Variants in EIF4E1B observed in about 807,000 individuals in gnomAD.
The protein encoded by EIF4E1B is eukaryotic translation initiation factor 4E family member 1B, also known as eukaryotic translation initiation factor 4E type 1B.
In EIF4E1B, 22 loss-of-function variants were observed where a neutral mutation model predicts 31.3. That is an observed-to-expected ratio of 0.70 (90% confidence interval 0.50 to 1.00). EIF4E1B has a LOEUF of 1.00. Among genes scored for constraint, EIF4E1B ranks in the 50% least tolerant of loss-of-function variants. The probability of loss-of-function intolerance (pLI) is 0.00; values close to 1 mark genes in which losing one functional copy is unlikely to be tolerated. For missense variants in EIF4E1B, 290 were observed against 311.6 expected (o/e 0.93, Z 0.52); for synonymous variants, 126 against 120.2 (o/e 1.05, Z -0.31).
chr5:176,642,858 C>CAA (rs1055727224), intron 3 of EIF4E1B, 56 bp downstream of exon 3: 1 of 1,290,644 alleles, frequency 7.7e-7, no homozygotes, highest in African/African-American at 2.1e-5. Flanking sequence ...CTCTCCCCCC[C>CAA]CCCCCCCGCC....
At chr5:176,642,864 C>G (rs1243541954) in intron 3 of EIF4E1B, 62 bp downstream of exon 3, 1 of 1,362,956 alleles carries the variant, frequency 7.3e-7, no homozygotes. Flanking sequence ...CCCCCCCCCC[C>G]CGCCCCAGGT....
Position 176,645,722 on chromosome 5 carries a change from C to A in EIF4E1B, c.615-144C>A. 1 of 1,086,056 alleles carries A rather than the reference C, an allele frequency of 9.2e-7. No individual in the cohort carries two copies. Among genetic ancestry groups the A allele is most frequent in the Non-Finnish European group, 1.3e-6 (1 of 774,044 alleles). 67.3% of individuals were successfully genotyped at this position (1,086,056 alleles called of 1,614,324 possible). On this transcript the variant is annotated intron_variant, in intron 8 of 8. Transcript: ENST00000318682. This position sits in a 1 kb window ranked among gnomAD's most constrained non-coding sequence, Gnocchi z 5.4. Reference sequence around the variant, plus strand: ...AGCTCTCCTTTTGCATTAAGGGGGTCATATTTTGGGTTTCCACATGGGTAA... The same window carrying A: ...AGCTCTCCTTTTGCATTAAGGGGGTAATATTTTGGGTTTCCACATGGGTAA...
intron 5 of EIF4E1B, 147 bp downstream of exon 5, chr5:176,643,881 A>C: frequency 1.3e-6 from 1 of 756,762 alleles, no homozygotes; most frequent in East Asian, 2.7e-5. Context: ...TATAGGGCAC[A>C]ACCACCCCCC....
chr5:176,644,463 C>G, intron 6 of EIF4E1B, 24 bp downstream of exon 6: 1 of 1,584,572 alleles, frequency 6.3e-7, no homozygotes, highest in Middle Eastern at 1.7e-4. Context: ...TCCTCTTTCC[C>G]TCCCGCAAAG....
At chr5:176,643,801 T>C in intron 5 of EIF4E1B, 67 bp downstream of exon 5, 1 of 1,519,578 alleles carries the variant, frequency 6.6e-7, no homozygotes, top group Non-Finnish European at 9.0e-7. Flanking sequence ...TCTCTCCGGG[T>C]TGAGCCAGCC....
At position 176,645,178 on chromosome 5, in the gene EIF4E1B, C is replaced by CGCT; in HGVS notation, c.411_413dup (p.Arg137_Trp138insCys). 6.3e-7 allele frequency: 1 copy of CGCT among 1,579,754 alleles called. No individual in the cohort carries two copies. The highest frequency in any genetic ancestry group is 8.6e-7 in the Non-Finnish European group (1 of 1,163,108). Reference sequence around the variant, plus strand: ...GGACAGCAGGAATAAACGGGGTGGCCGCTGGCTGGTCAGCCTGGCCAAGCA... The same window carrying CGCT: ...GGACAGCAGGAATAAACGGGGTGGCCGCTGCTGGCTGGTCAGCCTGGCCAAGCA... On this transcript the variant is annotated inframe_insertion, in exon 7 of 9. Coordinates refer to ENST00000318682, the MANE Select transcript of EIF4E1B (RefSeq NM_001099408.2). The surrounding 1 kb of genome is among the most constrained non-coding windows in gnomAD (Gnocchi z 5.4).
Position 176,645,833 on chromosome 5 carries a change from G to A in EIF4E1B, c.615-33G>A. On this transcript the variant is annotated intron_variant, in intron 8 of 8. Coordinates refer to ENST00000318682, the MANE Select transcript of EIF4E1B (RefSeq NM_001099408.2). The surrounding 1 kb of genome is among the most constrained non-coding windows in gnomAD (Gnocchi z 5.4). ...CTAGGACCCTCTGATGACTACCTGTGTCTCTTTTCCTCTGTGTCCCCCGCA... is the reference window on the plus strand; with the variant it reads ...CTAGGACCCTCTGATGACTACCTGTATCTCTTTTCCTCTGTGTCCCCCGCA... 1 of 1,528,510 alleles carries A rather than the reference G, an allele frequency of 6.5e-7. No homozygotes were observed. The highest frequency in any genetic ancestry group is 8.8e-7 in the Non-Finnish European group (1 of 1,131,206). The allele number at this position is 1,528,510 out of a possible 1,614,324, so 94.7% of individuals were successfully genotyped here.
At position 176,643,730 on chromosome 5, in the gene EIF4E1B, T is replaced by TG. The variant is rs1213657688; in HGVS notation, c.295dup (p.Ala99GlyfsTer17). On this transcript the variant is annotated frameshift_variant, in exon 5 of 9. Transcript: ENST00000318682. LOFTEE classifies it high-confidence loss of function. ...CAAGGTGGACACTGTGGAGGACTTCTGGGCGTGAGTGTCTGTCCCCAGTGG... is the reference window on the plus strand; with the variant it reads ...CAAGGTGGACACTGTGGAGGACTTCTGGGGCGTGAGTGTCTGTCCCCAGTGG... 2 of 1,612,218 alleles carry TG rather than the reference T, an allele frequency of 1.2e-6. No homozygotes were observed. The highest frequency in any genetic ancestry group is 2.2e-5 in the South Asian group (2 of 90,592).
intron 1 of EIF4E1B, among the ~76,000 whole-genome samples, chr5:176,640,130 T>C (rs528598548): frequency 6.6e-6 from 1 of 152,362 alleles, no homozygotes; most frequent in South Asian, 2.1e-4. Context: ...AACTGGCAGC[T>C]TCTGCTTCCT....
At chr5:176,631,982 T>G (rs1760402916) in intron 1 of EIF4E1B, among the ~76,000 whole-genome samples, 1 of 152,178 alleles carries the variant, frequency 6.6e-6, no homozygotes, top group Admixed American at 6.5e-5. Context: ...ACACTATGGT[T>G]GGCAAAGATG....
chr5:176,643,326 G>A, intron 4 of EIF4E1B, 60 bp downstream of exon 4: 1 of 1,546,212 alleles, frequency 6.5e-7, no homozygotes, highest in South Asian at 1.2e-5. Flanking sequence ...CTCTGTGCTG[G>A]CAGCGTGGCC....
chr5:176,639,354 A>G (rs1581185095), intron 1 of EIF4E1B, among the ~76,000 whole-genome samples: 1 of 152,190 alleles, frequency 6.6e-6, no homozygotes, highest in South Asian at 2.1e-4. Context: ...CAATCCCAGC[A>G]TGAAGATGTC....
intron 1 of EIF4E1B, among the ~76,000 whole-genome samples, chr5:176,640,795 A>G (rs1760563972): frequency 6.6e-6 from 1 of 152,196 alleles, no homozygotes; most frequent in Non-Finnish European, 1.5e-5. Context: ...AGCTTCGCCC[A>G]CACTGGCCTG....
At chr5:176,642,861 C>CCA in intron 3 of EIF4E1B, 59 bp downstream of exon 3, 3 of 1,123,502 alleles carry the variant, frequency 2.7e-6, no homozygotes, top group Non-Finnish European at 3.5e-6. Flanking sequence ...TCCCCCCCCC[C>CCA]CCCCGCCCCA....
At position 176,631,076 on chromosome 5, in the gene EIF4E1B, A is replaced by C. The variant is rs894903835; in HGVS notation, c.-202+12A>C. The C allele has an allele frequency of 6.6e-6, 1 of 152,398 alleles. No individual in the cohort carries two copies. The highest frequency in any genetic ancestry group is 2.1e-4 in the South Asian group (1 of 4,834). 9.4% of individuals were successfully genotyped at this position (152,398 alleles called of 1,614,324 possible). A position where few individuals can be genotyped will look rare whatever the true frequency, so the allele number is the denominator to read the frequency against. ...GGTCATTACAGCTTGTAAGTTGTGA[A>C]GGTAACGGTGATGTAACACGGGGAC... On this transcript the variant is annotated intron_variant, in intron 1 of 8. Transcript: ENST00000318682.
rs554015803 is a variant in EIF4E1B, at chr5:176,643,915, A to C, written c.296+181A>C. 220 of 636,724 alleles carry C rather than the reference A, an allele frequency of 3.5e-4. No homozygotes were observed. The African/African-American group carries it at 3.9e-3, about 11-fold the overall frequency. The allele number at this position is 636,724 out of a possible 1,614,324, so 39.4% of individuals were successfully genotyped here. On this transcript the variant is annotated intron_variant, in intron 5 of 8. Transcript: ENST00000318682. ...CCACCCCACCACCTTCTTTGGGCTC[A>C]GGGAGAGAGCCTGGGGAGCAGGAGA...
chr5:176,645,184 C>G lies in EIF4E1B; in HGVS notation c.415C>G (p.Leu139Val), dbSNP rs1366153462. 4 of 1,582,644 alleles carry G rather than the reference C, an allele frequency of 2.5e-6. No individual in the cohort carries two copies. The highest frequency in any genetic ancestry group is 3.4e-6 in the Non-Finnish European group (4 of 1,164,754). ...DSRNKRGGRW[L>V]VSLAKQQRHI... ...CAGGAATAAACGGGGTGGCCGCTGG[C>G]TGGTCAGCCTGGCCAAGCAGCAGCG... The change falls in exon 7 of 9, where the codon CTG (leucine) becomes GTG (valine). Residue 139 changes from leucine to valine, a missense_variant. Leu to Val is a conservative substitution (Grantham distance 32). Coordinates refer to ENST00000318682, the MANE Select transcript of EIF4E1B (RefSeq NM_001099408.2). This position sits in a 1 kb window ranked among gnomAD's most constrained non-coding sequence, Gnocchi z 5.4.
At chr5:176,637,196 T>G (rs1760508684) in intron 1 of EIF4E1B, among the ~76,000 whole-genome samples, 1 of 152,164 alleles carries the variant, frequency 6.6e-6, no homozygotes, top group Admixed American at 6.5e-5. Context: ...CCCAGCACTT[T>G]GGGAGGCCGA....
rs775973116 is a variant in EIF4E1B at position 176,643,221 on chromosome 5, G to T, written c.155G>T (p.Gly52Val). Reference sequence around the variant, plus strand: ...TCTCTGAGAGGGAAGGCCCGGACGGGGGGCCCCATGGAAGTCAAGCTGGAG... The same window carrying T: ...TCTCTGAGAGGGAAGGCCCGGACGGTGGGCCCCATGGAAGTCAAGCTGGAG... ...LLSLRGKART[G>V]GPMEVKLELH... The change falls in exon 4 of 9, where the codon GGG becomes GTG. Residue 52 changes from glycine (G) to valine (V), a missense_variant. Transcript: ENST00000318682. 1.2e-6 allele frequency: 2 copies of T among 1,613,000 alleles called. No individual in the cohort carries two copies. The highest frequency in any genetic ancestry group is 4.5e-5 in the East Asian group (2 of 44,870).
Sources: gnomAD v4.1 joint callset for allele counts (sites outside exome capture counted in the v4.1 genomes callset) on GRCh38, gnomAD v4.1.1 for gene constraint, Gnocchi (gnomAD v3.1) non-coding constraint, MANE v1.5 for transcripts, NCBI Gene and HGNC (gene_info 2026-07-23, HGNC 2026-07-21) for gene names.